Variants in SORCS1 observed in about 807,000 individuals in gnomAD.
SORCS1 encodes sortilin related VPS10 domain containing receptor 1.
A neutral mutation model predicts 146.1 loss-of-function variants in SORCS1; 60 were observed. The observed-to-expected ratio is 0.41, with a 90% confidence interval of 0.33 to 0.51. SORCS1 has a LOEUF of 0.51. SORCS1 is among the 20% of genes least tolerant of loss of function. The pLI is 0.21. For missense variants in SORCS1, 1,352 were observed against 1,487.6 expected, an observed-to-expected ratio of 0.91 and a Z score of 1.50; for synonymous variants, 637 against 584.0, an observed-to-expected ratio of 1.09 and a Z score of -1.31.
chr10:106,911,788 A>G (rs1181008691), intron 2 of SORCS1, among the ~76,000 whole-genome samples: 1 of 152,118 alleles, frequency 6.6e-6, no homozygotes, highest in Non-Finnish European at 1.5e-5. Flanking sequence ...TGTTGGTGGA[A>G]GCGGGGGACT....
At chr10:106,586,333 G>T (rs1174997313) in intron 24 of SORCS1, among the ~76,000 whole-genome samples, 1 of 152,088 alleles carries the variant, frequency 6.6e-6, no homozygotes, top group Non-Finnish European at 1.5e-5. Flanking sequence ...TCAGAAACTT[G>T]GTGTCTAAAG....
chr10:106,897,553 G>A (rs904496958), intron 2 of SORCS1, among the ~76,000 whole-genome samples: 4 of 151,996 alleles, frequency 2.6e-5, no homozygotes, highest in African/African-American at 9.7e-5. Flanking sequence ...TTGTGGTTGG[G>A]TTTTTCCAAC....
At chr10:106,808,719 T>G (rs113078303) in intron 3 of SORCS1, among the ~76,000 whole-genome samples, 2,289 of 152,126 alleles carry the variant, frequency 0.015, 23 homozygotes, top group African/African-American at 0.02. Flanking sequence ...AGCCAGGATG[T>G]TCTCCACCTC....
intron 1 of SORCS1, among the ~76,000 whole-genome samples, chr10:107,142,098 A>G (rs943592339): frequency 6.6e-6 from 1 of 152,152 alleles, no homozygotes; most frequent in Admixed American, 6.5e-5. Flanking sequence ...TGGCTTTCCT[A>G]TTCAATTCTA....
At chr10:106,708,190 T>G (rs974970627) in intron 7 of SORCS1, among the ~76,000 whole-genome samples, 1 of 152,126 alleles carries the variant, frequency 6.6e-6, no homozygotes, top group African/African-American at 2.4e-5. Flanking sequence ...ATTGACAACT[T>G]GATGCTGAAA....
At chr10:106,909,826 T>C (rs529593253) in intron 2 of SORCS1, among the ~76,000 whole-genome samples, 3 of 152,196 alleles carry the variant, frequency 2.0e-5, no homozygotes, top group Non-Finnish European at 4.4e-5. Flanking sequence ...CACACACATA[T>C]GCACTGACCA....
intron 1 of SORCS1, among the ~76,000 whole-genome samples, chr10:106,966,168 A>G (rs1196560732): frequency 1.3e-5 from 2 of 152,044 alleles, no homozygotes; most frequent in Non-Finnish European, 2.9e-5. Flanking sequence ...GCATAATTAC[A>G]CTCTTTTTGA....
At chr10:107,081,897 A>G (rs1472904337) in intron 1 of SORCS1, among the ~76,000 whole-genome samples, 1 of 152,226 alleles carries the variant, frequency 6.6e-6, no homozygotes, top group Non-Finnish European at 1.5e-5. Context: ...GGAAAGTGCT[A>G]GAAAAATTCT....
At chr10:106,718,657 C>A (rs1473696640) in intron 6 of SORCS1, among the ~76,000 whole-genome samples, 1 of 152,216 alleles carries the variant, frequency 6.6e-6, no homozygotes, top group Non-Finnish European at 1.5e-5. Flanking sequence ...GCTGGGGTGG[C>A]CAGCTTTTAT....
At chr10:106,963,015 G>A (rs1396957598) in intron 1 of SORCS1, among the ~76,000 whole-genome samples, 1 of 151,514 alleles carries the variant, frequency 6.6e-6, no homozygotes. Flanking sequence ...AAATATGGGG[G>A]AAGAGAATAA....
intron 1 of SORCS1, among the ~76,000 whole-genome samples, chr10:107,100,894 T>C (rs1436227975): frequency 6.6e-6 from 1 of 152,230 alleles, no homozygotes; most frequent in East Asian, 1.9e-4. Flanking sequence ...AAATGTATTT[T>C]TAAAAATATT....
intron 2 of SORCS1, among the ~76,000 whole-genome samples, chr10:106,857,702 C>T (rs902253171): frequency 6.6e-6 from 1 of 152,158 alleles, no homozygotes; most frequent in Non-Finnish European, 1.5e-5. Context: ...ACTTCATTAT[C>T]ATTCATTGAC....
chr10:107,137,777 G>A (rs575015376), intron 1 of SORCS1, among the ~76,000 whole-genome samples: 9 of 151,248 alleles, frequency 6.0e-5, no homozygotes, highest in African/African-American at 9.7e-5. Context: ...CAGGAGAATC[G>A]CTTGAACCCA....
intron 19 of SORCS1, among the ~76,000 whole-genome samples, chr10:106,622,550 A>G (rs1471385647): frequency 6.6e-6 from 1 of 152,204 alleles, no homozygotes; most frequent in African/African-American, 2.4e-5. Flanking sequence ...TCTTTAGAGA[A>G]TGAAAAGTCT....
intron 1 of SORCS1, among the ~76,000 whole-genome samples, chr10:107,102,912 A>G (rs1337267487): frequency 1.3e-5 from 2 of 152,194 alleles, no homozygotes; most frequent in Non-Finnish European, 2.9e-5. Flanking sequence ...GAGGAGTCAC[A>G]AAAATTGCTG....
At chr10:106,978,116 T>A (rs1956108866) in intron 1 of SORCS1, among the ~76,000 whole-genome samples, 1 of 152,196 alleles carries the variant, frequency 6.6e-6, no homozygotes, top group Admixed American at 6.5e-5. Flanking sequence ...GCTGTTGTTT[T>A]GTATTTTTAG....
At chr10:107,159,595 C>G (rs1337432) in intron 1 of SORCS1, among the ~76,000 whole-genome samples, 1 of 151,754 alleles carries the variant, frequency 6.6e-6, no homozygotes, top group Non-Finnish European at 1.5e-5. Flanking sequence ...ATATACTATC[C>G]CCATATTTTA....
At chr10:106,909,566 C>A (rs1014497566) in intron 2 of SORCS1, among the ~76,000 whole-genome samples, 5 of 152,164 alleles carry the variant, frequency 3.3e-5, no homozygotes, top group Admixed American at 2.0e-4. Context: ...ATGGGCATGC[C>A]TTTCCTAGTT....
intron 17 of SORCS1, among the ~76,000 whole-genome samples, chr10:106,658,199 A>G (rs1174023951): frequency 1.3e-5 from 2 of 152,040 alleles, no homozygotes; most frequent in East Asian, 1.9e-4. Context: ...AGCATCATCC[A>G]TGGCCTGACA....
Sources: gnomAD v4.1 joint callset for allele counts (sites outside exome capture counted in the v4.1 genomes callset) on GRCh38, gnomAD v4.1.1 for gene constraint, MANE v1.5 for transcripts, NCBI Gene and HGNC (gene_info 2026-07-23, HGNC 2026-07-21) for gene names.